The following HOMER1 variants were observed in gnomAD, a reference collection of about 807,000 sequenced individuals.
The protein encoded by HOMER1 is homer protein homolog 1.
HOMER1 carries 3 observed loss-of-function variants against 48.9 expected under a neutral mutation model. That is an observed-to-expected ratio of 0.06 (90% CI 0.03 to 0.16). The LOEUF is 0.16. Among genes scored for constraint, HOMER1 ranks in the 10% least tolerant of loss-of-function variants. HOMER1 has a pLI of 1.00. For missense variants in HOMER1, 247 were observed against 411.4 expected (o/e 0.60, Z 3.46); for synonymous variants, 134 against 146.4 (o/e 0.92, Z 0.61).
intron 1 of HOMER1, among the ~76,000 whole-genome samples, chr5:79,508,520 C>G (rs532938653): frequency 6.6e-6 from 1 of 152,316 alleles, no homozygotes; most frequent in Admixed American, 6.5e-5. Flanking sequence ...GGCTCTAGAC[C>G]TATCTCTTGC....
At chr5:79,451,222 G>T in intron 2 of HOMER1, 101 bp from the exon 3 acceptor site, 1 of 1,185,532 alleles carries the variant, frequency 8.4e-7, no homozygotes, top group Non-Finnish European at 1.2e-6. Context: ...TTATCAATAA[G>T]CCACAACGTT....
intron 8 of HOMER1, among the ~76,000 whole-genome samples, chr5:79,381,207 C>A (rs60341645): frequency 0.021 from 3,128 of 152,054 alleles, 116 homozygotes; most frequent in African/African-American, 0.072. Flanking sequence ...ACGAACTGCA[C>A]CCTAAGCCAC....
chr5:79,499,200 C>T lies in HOMER1; in HGVS notation c.5+13570G>A, dbSNP rs146236021. On this transcript the variant is annotated intron_variant, in intron 1 of 8. Transcript: ENST00000334082. ...GCGTCTCAAGCTTTCTTTTTCTGGT[C>T]TGAACTCTTTAGAAAACTAGAGCCT... 2.4e-3 allele frequency among the ~76,000 whole-genome samples: 365 copies of T among 152,182 alleles called. 1 individual carries two copies. The highest frequency in any genetic ancestry group is 6.1e-3 in the Admixed American group (93 of 15,278).
intron 1 of HOMER1, among the ~76,000 whole-genome samples, chr5:79,457,920 C>T (rs1240759023): frequency 6.6e-6 from 1 of 152,154 alleles, no homozygotes; most frequent in Non-Finnish European, 1.5e-5. Flanking sequence ...CTTAAAACCA[C>T]ATTTAAAACC....
At chr5:79,455,201 T>G (rs1268537314) in intron 2 of HOMER1, among the ~76,000 whole-genome samples, 1 of 151,940 alleles carries the variant, frequency 6.6e-6, no homozygotes, top group Non-Finnish European at 1.5e-5. Flanking sequence ...CCTCCCAAAG[T>G]GCTAGAATTA....
At chr5:79,465,548 T>C (rs552160980) in intron 1 of HOMER1, among the ~76,000 whole-genome samples, 2 of 149,008 alleles carry the variant, frequency 1.3e-5, no homozygotes, top group South Asian at 4.3e-4. Flanking sequence ...TATATAAAAA[T>C]ACACTTAAAG....
At chr5:79,387,100 T>TCC (rs1491558317) in intron 8 of HOMER1, among the ~76,000 whole-genome samples, 2 of 147,532 alleles carry the variant, frequency 1.4e-5, no homozygotes, top group Non-Finnish European at 3.0e-5. Flanking sequence ...TCTCTCTCTC[T>TCC]TTCTTTCACA....
chr5:79,452,050 A>G (rs933243836), intron 2 of HOMER1, among the ~76,000 whole-genome samples: 5 of 152,142 alleles, frequency 3.3e-5, no homozygotes, highest in African/African-American at 7.2e-5. Context: ...TATGTATACT[A>G]AAAACCTATG....
At chr5:79,497,479 G>A (rs576711141) in intron 1 of HOMER1, among the ~76,000 whole-genome samples, 17 of 151,696 alleles carry the variant, frequency 1.1e-4, no homozygotes, top group African/African-American at 3.4e-4. Flanking sequence ...GCAAAACCCC[G>A]TCTCTACTAA....
At chr5:79,508,531 T>C (rs549946671) in intron 1 of HOMER1, among the ~76,000 whole-genome samples, 1 of 152,348 alleles carries the variant, frequency 6.6e-6, no homozygotes, top group Admixed American at 6.5e-5. Flanking sequence ...TATCTCTTGC[T>C]ACACCAAAGG....
intron 1 of HOMER1, among the ~76,000 whole-genome samples, chr5:79,487,677 T>C (rs1482978213): frequency 2.0e-5 from 3 of 152,172 alleles, no homozygotes; most frequent in Non-Finnish European, 4.4e-5. Context: ...CCAAATATAA[T>C]GTGTGGACCA....
intron 1 of HOMER1, among the ~76,000 whole-genome samples, chr5:79,489,034 G>T (rs145391879): frequency 1.3e-5 from 2 of 152,242 alleles, no homozygotes; most frequent in African/African-American, 4.8e-5. Context: ...GTGAATGCCA[G>T]GCATTCTGTT....
chr5:79,397,936 A>G (rs987939260), intron 6 of HOMER1: 39 of 188,484 alleles, frequency 2.1e-4, no homozygotes, highest in Non-Finnish European at 3.9e-4. Context: ...ATTTCTTCCA[A>G]AAACATATTC....
intron 1 of HOMER1, among the ~76,000 whole-genome samples, chr5:79,461,100 A>C (rs538383149): frequency 1.4e-4 from 22 of 152,312 alleles, no homozygotes; most frequent in African/African-American, 4.8e-4. Context: ...AGTTTGGGGA[A>C]TCACCAGATT....
chr5:79,493,972 A>C (rs1306128588), intron 1 of HOMER1, among the ~76,000 whole-genome samples: 1 of 152,196 alleles, frequency 6.6e-6, no homozygotes, highest in Non-Finnish European at 1.5e-5. Flanking sequence ...CTTCAAGGTA[A>C]GATTGTTAAA....
chr5:79,414,330 A>C (rs1749887344), intron 5 of HOMER1, among the ~76,000 whole-genome samples: 1 of 151,586 alleles, frequency 6.6e-6, no homozygotes, highest in Admixed American at 6.6e-5. Flanking sequence ...CCTGGACTCA[A>C]GCGATCCACC....
chr5:79,477,271 CTATT>C (rs1383942982), intron 1 of HOMER1, among the ~76,000 whole-genome samples: 19 of 152,302 alleles, frequency 1.2e-4, no homozygotes, highest in African/African-American at 2.6e-4. Flanking sequence ...AATCCGGAAA[CTATT>C]TATTGGACAA....
chr5:79,381,063 G>T (rs1164616207), intron 8 of HOMER1, among the ~76,000 whole-genome samples: 2 of 151,914 alleles, frequency 1.3e-5, no homozygotes, highest in African/African-American at 4.8e-5. Flanking sequence ...GCCTGGAACT[G>T]CTAACACTGG....
chr5:79,413,768 G>A (rs187725043), intron 5 of HOMER1, among the ~76,000 whole-genome samples: 1 of 151,558 alleles, frequency 6.6e-6, no homozygotes, highest in Admixed American at 6.6e-5. Flanking sequence ...TTGGCCCTAA[G>A]CTATAATAGG....
Sources: gnomAD v4.1 joint callset for allele counts (sites outside exome capture counted in the v4.1 genomes callset) on GRCh38, gnomAD v4.1.1 for gene constraint, MANE v1.5 for transcripts, NCBI Gene and HGNC (gene_info 2026-07-23, HGNC 2026-07-21) for gene names.